Variants in SIM2 observed in about 807,000 individuals in gnomAD.
The protein encoded by SIM2 is single-minded homolog 2.
In SIM2, 28 loss-of-function variants were observed where a neutral mutation model predicts 64.8. That is an observed-to-expected ratio of 0.43 (90% CI 0.32 to 0.59). SIM2 has a LOEUF of 0.59. Among genes scored for constraint, SIM2 ranks in the 20% least tolerant of loss-of-function variants. SIM2 has a pLI of 0.07. For missense variants in SIM2, 847 were observed against 871.4 expected, an observed-to-expected ratio of 0.97 and a Z score of 0.35; for synonymous variants, 408 against 391.1, an observed-to-expected ratio of 1.04 and a Z score of -0.51.
chr21:36,745,204 C>A lies in SIM2; in HGVS notation c.1576+68C>A. On this transcript the variant is annotated intron_variant, in intron 10 of 10. Transcript: ENST00000290399. This position sits in a 1 kb window ranked among gnomAD's most constrained non-coding sequence, Gnocchi z 4.8. ...CGGCCGGGAGCCGAAGCAGCCATGGCGGTGGGTGGCAGATGGAGACAGAAC... is the reference window on the plus strand; with the variant it reads ...CGGCCGGGAGCCGAAGCAGCCATGGAGGTGGGTGGCAGATGGAGACAGAAC... 1 of 1,530,840 alleles carries A rather than the reference C, an allele frequency of 6.5e-7. No homozygotes were observed. Among genetic ancestry groups the A allele is most frequent in the Non-Finnish European group, 8.8e-7 (1 of 1,137,598 alleles). The allele number at this position is 1,530,840 out of a possible 1,614,324, so 94.8% of individuals were successfully genotyped here.
At chr21:36,710,817 C>CCCTGG (rs2088664804) in intron 2 of SIM2, among the ~76,000 whole-genome samples, 2 of 152,206 alleles carry the variant, frequency 1.3e-5, no homozygotes, top group Non-Finnish European at 2.9e-5. Context: ...GTGGCCGCGG[C>CCCTGG]GAGTAATGGC....
chr21:36,728,108 A>T (rs1320581874), intron 6 of SIM2, among the ~76,000 whole-genome samples: 2 of 152,214 alleles, frequency 1.3e-5, no homozygotes, highest in Non-Finnish European at 2.9e-5. Flanking sequence ...GAGAGAAGGC[A>T]GCCAAGCTGC....
At chr21:36,701,014 G>A (rs1213798252) in intron 1 of SIM2, among the ~76,000 whole-genome samples, 4 of 152,212 alleles carry the variant, frequency 2.6e-5, no homozygotes, top group African/African-American at 4.8e-5. Context: ...GAGCGTTTTT[G>A]GCGTCCCAAG....
intron 3 of SIM2, among the ~76,000 whole-genome samples, chr21:36,717,758 G>A (rs1051611806): frequency 6.6e-6 from 1 of 152,068 alleles, no homozygotes; most frequent in African/African-American, 2.4e-5. Flanking sequence ...TTTAGCTTCT[G>A]CCACTCCGCA....
Position 36,748,030 on chromosome 21 carries a change from C to T in SIM2, c.1942C>T (p.Pro648Ser). The T allele has an allele frequency of 8.4e-7, 1 of 1,186,106 alleles. No individual in the cohort carries two copies. Among genetic ancestry groups the T allele is most frequent in the Non-Finnish European group, 1.0e-6 (1 of 959,394 alleles). The allele number at this position is 1,186,106 out of a possible 1,614,324, so 73.5% of individuals were successfully genotyped here. A position where few individuals can be genotyped will look rare whatever the true frequency, so the allele number is the denominator to read the frequency against. The change falls in exon 11 of 11, where the codon CCG (proline) becomes TCG (serine). Residue 648 changes from proline to serine, a missense_variant. Physicochemically the swap from Pro to Ser is moderately conservative, Grantham distance 74. This residue lies in a region of SIM2 where 447 missense variants were observed against 414.6 expected (regional missense o/e 1.08). Transcript: ENST00000290399. Reference protein sequence around the residue: ...LRHPSPAATSPPGAPLPHYLG... With the variant: ...LRHPSPAATSSPGAPLPHYLG... Reference sequence around the variant, plus strand: ...GCACCCGAGCCCCGCCGCCACCTCCCCGCCCGGCGCGCCCCTGCCGCACTA... The same window carrying T: ...GCACCCGAGCCCCGCCGCCACCTCCTCGCCCGGCGCGCCCCTGCCGCACTA...
rs150823127 is a variant in SIM2, at chr21:36,731,105, C to T, written c.804C>T (p.His268=). The change falls in exon 7 of 11, where the codon CAC becomes CAT. Residue 268 remains histidine, a synonymous_variant. Transcript: ENST00000290399. ...QDLIEKTLYH[H]VHGCDVFHLR... ...TGATCGAGAAGACCCTATACCATCACGTGCACGGCTGCGACGTGTTCCACC... is the reference window on the plus strand; with the variant it reads ...TGATCGAGAAGACCCTATACCATCATGTGCACGGCTGCGACGTGTTCCACC... The T allele has an allele frequency of 5.5e-4, 895 of 1,614,046 alleles. 5 individuals are homozygous for T. In the African/African-American group the frequency reaches 0.011, roughly 20 times the overall value.
intron 7 of SIM2, among the ~76,000 whole-genome samples, chr21:36,734,717 G>A (rs949491936): frequency 5.3e-5 from 8 of 152,184 alleles, no homozygotes; most frequent in Admixed American, 1.3e-4. Context: ...AATGTCACAC[G>A]CCTCTCCAAA....
intron 2 of SIM2, among the ~76,000 whole-genome samples, 168 bp from the exon 3 acceptor site, chr21:36,712,365 C>T (rs1258274149): frequency 1.3e-5 from 2 of 152,204 alleles, no homozygotes; most frequent in Admixed American, 6.5e-5. Context: ...ACCCTGGGTG[C>T]TGTTTCCTAC....
intron 4 of SIM2, chr21:36,720,624 TAC>T (rs1482182286): frequency 3.3e-5 from 5 of 152,262 alleles, no homozygotes; most frequent in African/African-American, 4.8e-5. Context: ...TATTTTCCAA[TAC>T]AGTTGCTTTT....
intron 7 of SIM2, among the ~76,000 whole-genome samples, chr21:36,737,104 T>C (rs1414577982): frequency 1.3e-5 from 2 of 152,112 alleles, no homozygotes; most frequent in Non-Finnish European, 2.9e-5. Context: ...TTTTTAAATG[T>C]TTTTGGTAAA....
chr21:36,736,789 C>CTT (rs754381209), intron 7 of SIM2, among the ~76,000 whole-genome samples: 1 of 91,226 alleles, frequency 1.1e-5, no homozygotes, highest in East Asian at 3.6e-4. Flanking sequence ...TCTTTTCCTT[C>CTT]TTTCTTTTTC....
rs1208830591 is a variant in SIM2, at chr21:36,709,247, G to A, written c.255G>A (p.Leu85=). The A allele has an allele frequency of 6.2e-7, 1 of 1,601,342 alleles. No homozygotes were observed. Among genetic ancestry groups the A allele is most frequent in the Admixed American group, 1.7e-5 (1 of 58,632 alleles). The part of the protein sequence containing the change: ...GVAKELGSHL[L]QTLDGFVFVV... ...CCAAGGAGCTGGGATCGCACTTGCT[G>A]CAGGTAGAGCGGCCTCGCCGGGGGA... is the stretch of plus-strand genomic sequence containing the variant. The change falls in exon 2 of 11, where the codon CTG becomes CTA. Residue 85 remains leucine (L), a synonymous_variant. Transcript: ENST00000290399.
At chr21:36,721,967 G>A (rs76782031) in intron 4 of SIM2, among the ~76,000 whole-genome samples, 3,962 of 152,264 alleles carry the variant, frequency 0.026, 77 homozygotes, top group Middle Eastern at 0.041. Context: ...ACAGCCGGCC[G>A]AGGGGTGCAG....
rs1174233065 is a variant in SIM2 at position 36,748,003 on chromosome 21, C to T, written c.1915C>T (p.Arg639Trp). The part of the protein sequence containing the change: ...PEAATGALRL[R>W]HPSPAATSPP... Reference sequence around the variant, plus strand: ...GGCGGCGACCGGCGCGCTGCGGCTCCGGCACCCGAGCCCCGCCGCCACCTC... The same window carrying T: ...GGCGGCGACCGGCGCGCTGCGGCTCTGGCACCCGAGCCCCGCCGCCACCTC... Residue 639 changes from arginine (R) to tryptophan (W), a missense_variant, in exon 11 of 11, where the codon CGG becomes TGG. Coordinates refer to ENST00000290399, the MANE Select transcript of SIM2 (RefSeq NM_005069.6). The T allele has an allele frequency of 8.9e-7, 1 of 1,121,150 alleles. No individual in the cohort carries two copies. The highest frequency in any genetic ancestry group is 1.1e-6 in the Non-Finnish European group (1 of 918,468). 69.5% of individuals were successfully genotyped at this position (1,121,150 alleles called of 1,614,324 possible).
intron 2 of SIM2, chr21:36,710,238 AC>A (rs1343164870): frequency 6.6e-6 from 1 of 152,284 alleles, no homozygotes; most frequent in African/African-American, 2.4e-5. Context: ...TCTAGAGCCC[AC>A]CCGGATAACC....
chr21:36,734,815 G>T (rs1190342603), intron 7 of SIM2, among the ~76,000 whole-genome samples: 1 of 152,200 alleles, frequency 6.6e-6, no homozygotes, highest in Non-Finnish European at 1.5e-5. Context: ...GATTGTGGAG[G>T]CCTCACTCTC....
chr21:36,737,818 G>A (rs1476803582), intron 7 of SIM2, among the ~76,000 whole-genome samples: 4 of 151,822 alleles, frequency 2.6e-5, no homozygotes, highest in South Asian at 2.1e-4. Context: ...AAACTTAGCC[G>A]GGCGTGGTGG....
At chr21:36,709,072 G>T in intron 1 of SIM2, 96 bp from the exon 2 acceptor site, 2 of 1,068,692 alleles carry the variant, frequency 1.9e-6, no homozygotes, top group South Asian at 1.6e-5. Flanking sequence ...TCGTGGGGAG[G>T]GCTGGCAGGG....
In SIM2 at chr21:36,728,965, T is replaced by C. The variant is rs148531643; in HGVS notation, c.744-2080T>C. 2.7e-3 allele frequency among the ~76,000 whole-genome samples: 417 copies of C among 152,362 alleles called. 2 individuals carry two copies. The highest frequency in any genetic ancestry group is 9.2e-3 in the African/African-American group (384 of 41,590). On this transcript the variant is annotated intron_variant, in intron 6 of 10. Transcript: ENST00000290399. ...TATTTCTCTTTGAAACTGGAGCTGA[T>C]GCTTTTGCTAAGGATGGGTGAACAC...
Sources: gnomAD v4.1 joint callset for allele counts (sites outside exome capture counted in the v4.1 genomes callset) on GRCh38, gnomAD v4.1.1 for gene constraint, gnomAD v4.1.1 regional missense constraint, Gnocchi (gnomAD v3.1) non-coding constraint, MANE v1.5 for transcripts, NCBI Gene and HGNC (gene_info 2026-07-23, HGNC 2026-07-21) for gene names.